Variants in KAZN observed in about 807,000 individuals in gnomAD.
KAZN encodes the protein kazrin, periplakin interacting protein, also known as kazrin.
Under a neutral mutation model 87.4 loss-of-function variants are expected in KAZN, and 40 were observed. The observed-to-expected ratio is 0.46, with a 90% confidence interval of 0.36 to 0.60. The LOEUF is 0.60. Among genes scored for constraint, KAZN ranks in the 20% least tolerant of loss-of-function variants. KAZN has a pLI of 0.00. For missense variants in KAZN, 898 were observed against 1,073.9 expected (o/e 0.84, Z 2.29); for synonymous variants, 466 against 458.3 (o/e 1.02, Z -0.22).
In KAZN at chr1:13,970,479, T is replaced by A. The variant is rs199794001; in HGVS notation, c.91+76723T>A. Among the ~76,000 whole-genome samples, 24 of 152,114 alleles carry A rather than the reference T, an allele frequency of 1.6e-4. 1 individual carries two copies. In the East Asian group the frequency reaches 4.4e-3, roughly 28 times the overall value. On this transcript the variant is annotated intron_variant, in intron 1 of 16. Transcript: ENST00000636203. ...ATCATGCAGCCTGGCCATGGAAGAG[T>A]TGGAGTTTGAACCCTGAGGGTCTGA...
chr1:14,557,627 T>TGG (rs1322263974), intron 2 of KAZN, among the ~76,000 whole-genome samples: 40 of 82,400 alleles, frequency 4.9e-4, no homozygotes, highest in South Asian at 1.7e-3. Context: ...AGGGTGTGTG[T>TGG]GGGTGTGTGT....
chr1:14,335,271 C>T (rs1185860142), intron 2 of KAZN, among the ~76,000 whole-genome samples: 8 of 150,320 alleles, frequency 5.3e-5, no homozygotes, highest in Non-Finnish European at 1.2e-4. Flanking sequence ...GGTGCGATCT[C>T]GGCTCACTGC....
At chr1:14,598,404 C>G (rs1180577094), upstream of KAZN, among the ~76,000 whole-genome samples, 1 of 152,122 alleles carries the variant, frequency 6.6e-6, no homozygotes, top group Admixed American at 6.5e-5. This position sits in a 1 kb window ranked among gnomAD's most constrained non-coding sequence, Gnocchi z 4.2. Context: ...AACCTTAGCA[C>G]GGCTCGGGGC....
intron 1 of KAZN, among the ~76,000 whole-genome samples, chr1:14,158,145 C>T (rs750914367): frequency 9.9e-5 from 15 of 152,060 alleles, no homozygotes; most frequent in Non-Finnish European, 1.3e-4. Flanking sequence ...GATATCTTTC[C>T]GTAGGTTTTG....
At chr1:14,084,687 A>G (rs558834880) in intron 1 of KAZN, among the ~76,000 whole-genome samples, 180 of 141,802 alleles carry the variant, frequency 1.3e-3, no homozygotes, top group African/African-American at 4.2e-3. Context: ...TATCAATACA[A>G]TAGTCATTAA....
chr1:14,501,977 A>G (rs573296025), intron 2 of KAZN, among the ~76,000 whole-genome samples: 1 of 152,320 alleles, frequency 6.6e-6, no homozygotes, highest in African/African-American at 2.4e-5. Flanking sequence ...ATGAAGAGAG[A>G]CTAGTAATGA....
At chr1:14,279,629 T>C (rs1211663134) in intron 2 of KAZN, among the ~76,000 whole-genome samples, 1 of 152,174 alleles carries the variant, frequency 6.6e-6, no homozygotes, top group African/African-American at 2.4e-5. Context: ...ATTTTCTTTA[T>C]CAGAAAACAA....
chr1:15,101,254 CTCTG>C (rs765475660), intron 10 of KAZN, among the ~76,000 whole-genome samples: 91 of 151,564 alleles, frequency 6.0e-4, no homozygotes, highest in Non-Finnish European at 1.1e-3. Flanking sequence ...CTCTCTCCTT[CTCTG>C]TCTCTTTCTC....
At chr1:14,900,717 G>A (rs1655776340) in intron 1 of KAZN, among the ~76,000 whole-genome samples, 1 of 147,944 alleles carries the variant, frequency 6.8e-6, no homozygotes, top group African/African-American at 2.5e-5. Context: ...TCGCGCCACT[G>A]CACTCCAGCC....
chr1:14,800,118 G>A (rs1007357903), intron 1 of KAZN, among the ~76,000 whole-genome samples: 2 of 152,246 alleles, frequency 1.3e-5, no homozygotes, highest in South Asian at 2.1e-4. Flanking sequence ...AGAGATTTAC[G>A]GGAGGCAGAA....
At chr1:14,899,980 C>A (rs1655681846) in intron 1 of KAZN, among the ~76,000 whole-genome samples, 2 of 152,222 alleles carry the variant, frequency 1.3e-5, no homozygotes, top group South Asian at 4.1e-4. Flanking sequence ...TGTCGTCCCG[C>A]ATTCTTCTTC....
chr1:14,545,675 A>C (rs906556687), intron 2 of KAZN, among the ~76,000 whole-genome samples: 17 of 152,222 alleles, frequency 1.1e-4, no homozygotes. Context: ...GCTTAAAAAA[A>C]CAAAGTTGTA....
chr1:14,157,579 GAA>G (rs976317031), intron 1 of KAZN, among the ~76,000 whole-genome samples: 55 of 152,284 alleles, frequency 3.6e-4, no homozygotes, highest in African/African-American at 1.2e-3. Context: ...GGTTTCCACT[GAA>G]AAGTCTGCTG....
intron 1 of KAZN, among the ~76,000 whole-genome samples, chr1:14,703,892 A>C (rs1483998239): frequency 6.6e-6 from 1 of 152,200 alleles, no homozygotes; most frequent in Non-Finnish European, 1.5e-5. Context: ...CTCTAAAAAA[A>C]TGAAAAATAA....
At chr1:14,300,877 C>T (rs1365214560) in intron 2 of KAZN, among the ~76,000 whole-genome samples, 2 of 152,136 alleles carry the variant, frequency 1.3e-5, no homozygotes, top group Non-Finnish European at 2.9e-5. Flanking sequence ...GTCCTGTGAA[C>T]CAAGGGGTAG....
chr1:14,125,805 A>G (rs1016443336), intron 1 of KAZN, among the ~76,000 whole-genome samples: 2 of 152,278 alleles, frequency 1.3e-5, no homozygotes, highest in East Asian at 1.9e-4. Flanking sequence ...AGATCAGGGC[A>G]GGTTCCAGGA....
intron 2 of KAZN, among the ~76,000 whole-genome samples, chr1:14,423,491 AT>A (rs1360796652): frequency 2.6e-5 from 4 of 152,224 alleles, no homozygotes; most frequent in Non-Finnish European, 5.9e-5. Context: ...TTTGGAGAAG[AT>A]TCCAATGCTA....
chr1:14,628,767 A>G (rs533857790), intron 1 of KAZN, among the ~76,000 whole-genome samples: 6 of 152,270 alleles, frequency 3.9e-5, no homozygotes, highest in Non-Finnish European at 8.8e-5. Flanking sequence ...GTCAGCTGCA[A>G]TCTTGCTACC....
chr1:14,955,688 G>A (rs111943076), intron 1 of KAZN, among the ~76,000 whole-genome samples: 2,091 of 152,326 alleles, frequency 0.014, 52 homozygotes, highest in African/African-American at 0.047. Flanking sequence ...GAAGGTGCAC[G>A]CAGGAAAAAA....
Sources: allele counts gnomAD v4.1 joint callset (sites outside exome capture counted in the v4.1 genomes callset), GRCh38; gene constraint gnomAD v4.1.1; non-coding constraint Gnocchi (gnomAD v3.1); transcripts MANE v1.5; gene names NCBI Gene and HGNC (gene_info 2026-07-23, HGNC 2026-07-21).